Variants in OPCML observed in about 807,000 individuals in gnomAD.
The protein encoded by OPCML is opioid-binding protein/cell adhesion molecule.
Under a neutral mutation model 37.8 loss-of-function variants are expected in OPCML, and 13 were observed. That is an observed-to-expected ratio of 0.34 (90% CI 0.22 to 0.55). OPCML has a LOEUF of 0.55. Ranked by LOEUF, OPCML falls within the 20% of genes least tolerant of loss-of-function variation. The pLI, the probability that OPCML is intolerant of heterozygous loss-of-function variation, is 0.91. For synonymous variants in OPCML, 176 were observed against 168.8 expected, an observed-to-expected ratio of 1.04 and a Z score of -0.33; for missense variants, 341 against 435.6, an observed-to-expected ratio of 0.78 and a Z score of 1.93.
At chr11:132,485,249 G>A (rs1354392375) in intron 4 of OPCML, among the ~76,000 whole-genome samples, 3 of 152,140 alleles carry the variant, frequency 2.0e-5, no homozygotes, top group African/African-American at 2.4e-5. Context: ...TGTATTGCAT[G>A]CATTTACCTC....
intron 3 of OPCML, among the ~76,000 whole-genome samples, chr11:132,642,882 T>A (rs1229753136): frequency 6.6e-6 from 1 of 152,162 alleles, no homozygotes; most frequent in Non-Finnish European, 1.5e-5. Flanking sequence ...TTTCCATATA[T>A]AGGAATTAAG....
chr11:132,756,295 G>A (rs1946041404), intron 2 of OPCML, among the ~76,000 whole-genome samples: 1 of 152,188 alleles, frequency 6.6e-6, no homozygotes, highest in South Asian at 2.1e-4. Flanking sequence ...GGGGCACCAA[G>A]GGAGAAGTGA....
intron 3 of OPCML, among the ~76,000 whole-genome samples, chr11:132,568,825 T>C (rs2096430644): frequency 6.6e-6 from 1 of 152,166 alleles, no homozygotes; most frequent in Non-Finnish European, 1.5e-5. Context: ...ATCCATTTAT[T>C]TAAAAAGTAA....
chr11:133,220,494 A>G (rs543293321), intron 1 of OPCML, among the ~76,000 whole-genome samples: 6 of 152,228 alleles, frequency 3.9e-5, no homozygotes, highest in Admixed American at 1.3e-4. Context: ...CAGGCTCTGG[A>G]GTCCTGGGGA....
intron 1 of OPCML, among the ~76,000 whole-genome samples, chr11:133,036,620 G>A (rs35086194): frequency 0.17 from 25,655 of 152,194 alleles, 2,360 homozygotes; most frequent in Non-Finnish European, 0.2. Context: ...AATTTGGAAT[G>A]CAACCTAATG....
chr11:133,280,092 G>C (rs373314425), intron 1 of OPCML, among the ~76,000 whole-genome samples: 3 of 152,244 alleles, frequency 2.0e-5, no homozygotes, highest in South Asian at 4.1e-4. Context: ...GAGTGAAGAT[G>C]GATATGGCCT....
intron 2 of OPCML, among the ~76,000 whole-genome samples, chr11:132,798,921 C>G (rs77546724): frequency 1.2e-3 from 187 of 152,314 alleles, no homozygotes; most frequent in South Asian, 3.5e-3. Context: ...TAGCAAGTCT[C>G]AACTGTGGGT....
intron 3 of OPCML, among the ~76,000 whole-genome samples, chr11:132,589,693 T>A (rs953368654): frequency 6.6e-6 from 1 of 152,152 alleles, no homozygotes; most frequent in African/African-American, 2.4e-5. Flanking sequence ...GAGAGGAACT[T>A]CTCCTTTGTA....
intron 2 of OPCML, among the ~76,000 whole-genome samples, chr11:132,661,602 G>C (rs1941979934): frequency 6.6e-6 from 1 of 152,104 alleles, no homozygotes; most frequent in African/African-American, 2.4e-5. Flanking sequence ...GTTAAATAAG[G>C]GGGAGCCAAG....
At chr11:133,282,530 T>G (rs1324149009) in intron 1 of OPCML, among the ~76,000 whole-genome samples, 1 of 152,166 alleles carries the variant, frequency 6.6e-6, no homozygotes, top group African/African-American at 2.4e-5. Context: ...GGTGGAGCAC[T>G]CACAGAGAAC....
chr11:133,371,097 A>G (rs1443659523), intron 1 of OPCML, among the ~76,000 whole-genome samples: 3 of 152,218 alleles, frequency 2.0e-5, no homozygotes, highest in Non-Finnish European at 4.4e-5. Flanking sequence ...CATGAGATAC[A>G]AATCACAACC....
intron 4 of OPCML, among the ~76,000 whole-genome samples, chr11:132,516,667 T>G (rs2096280545): frequency 6.6e-6 from 1 of 151,014 alleles, no homozygotes. Flanking sequence ...AACTAATTGC[T>G]CTTCATAAAG....
intron 1 of OPCML, among the ~76,000 whole-genome samples, chr11:132,975,931 C>T (rs546624404): frequency 5.3e-5 from 8 of 152,010 alleles, no homozygotes; most frequent in East Asian, 1.9e-4. Context: ...CCACCATGCC[C>T]GGCTAATTTT....
intron 3 of OPCML, among the ~76,000 whole-genome samples, chr11:132,531,499 C>T (rs747531016): frequency 5.9e-5 from 9 of 152,146 alleles, no homozygotes; most frequent in South Asian, 2.1e-4. Context: ...TGGAGTTTTA[C>T]GCTGCTGAGA....
chr11:133,142,829 C>CAAGGACTAT (rs1432398232), intron 1 of OPCML, among the ~76,000 whole-genome samples: 1 of 152,018 alleles, frequency 6.6e-6, no homozygotes, highest in East Asian at 2.0e-4. Context: ...TCCCCAAGTG[C>CAAGGACTAT]AAGGACTATG....
intron 1 of OPCML, among the ~76,000 whole-genome samples, chr11:133,022,872 A>G (rs1016571618): frequency 6.6e-6 from 1 of 152,326 alleles, no homozygotes; most frequent in Non-Finnish European, 1.5e-5. Context: ...TTTGCAATTA[A>G]GAGAGGAAAC....
chr11:132,948,685 T>C (rs1945797703), intron 1 of OPCML, among the ~76,000 whole-genome samples: 1 of 152,172 alleles, frequency 6.6e-6, no homozygotes, highest in Non-Finnish European at 1.5e-5. Flanking sequence ...AAAACCATAA[T>C]TAATATAAGG....
rs142178182 is a variant in OPCML at position 132,550,892 on chromosome 11, C to A, written c.380-21706G>T. The stretch of plus-strand genomic sequence containing the variant: ...TGATGTCCCCTTTGCCTGAATTCTG[C>A]TACCTTCTAGTTAAAATTTATTTTT... On this transcript the variant is annotated intron_variant, in intron 3 of 7. Coordinates refer to ENST00000524381, the MANE Select transcript of OPCML (RefSeq NM_001012393.5). 4.1e-3 allele frequency among the ~76,000 whole-genome samples: 622 copies of A among 152,328 alleles called. 3 individuals are homozygous for A. Among genetic ancestry groups the A allele is most frequent in the South Asian group, 7.9e-3 (38 of 4,826 alleles).
intron 2 of OPCML, among the ~76,000 whole-genome samples, chr11:132,680,923 T>C (rs1324998455): frequency 6.6e-6 from 1 of 152,248 alleles, no homozygotes; most frequent in African/African-American, 2.4e-5. Context: ...ATGGCATCTT[T>C]TCTCAGGCAA....
Sources: gnomAD v4.1 joint callset for allele counts (sites outside exome capture counted in the v4.1 genomes callset) on GRCh38, gnomAD v4.1.1 for gene constraint, MANE v1.5 for transcripts, NCBI Gene and HGNC (gene_info 2026-07-23, HGNC 2026-07-21) for gene names.